Variants in ZNF438 observed in about 807,000 individuals in gnomAD.
ZNF438 encodes zinc finger protein 438.
Under a neutral mutation model 38.0 loss-of-function variants are expected in ZNF438, and 25 were observed. That is an observed-to-expected ratio of 0.66 (90% confidence interval 0.48 to 0.92). ZNF438 has a LOEUF of 0.92. Ranked by LOEUF, ZNF438 falls within the 40% of genes least tolerant of loss-of-function variation. The probability of loss-of-function intolerance (pLI) is 0.00; values close to 1 mark genes in which losing one functional copy is unlikely to be tolerated. For synonymous variants in ZNF438, 372 were observed against 364.1 expected, an observed-to-expected ratio of 1.02 and a Z score of -0.25; for missense variants, 1,007 against 999.6, an observed-to-expected ratio of 1.01 and a Z score of -0.10.
exon 5 of ZNF438, chr10:30,850,024 A>G (rs746935178): frequency 3.7e-6 from 6 of 1,613,852 alleles, no homozygotes; most frequent in Non-Finnish European, 3.4e-6. Flanking sequence ...TGCTATTTCT[A>G]GGGGGTTGAT....
chr10:30,885,804 C>T (rs1358477927), intron 3 of ZNF438, among the ~76,000 whole-genome samples: 1 of 151,978 alleles, frequency 6.6e-6, no homozygotes, highest in Non-Finnish European at 1.5e-5. Flanking sequence ...CAAAGAATGG[C>T]AAGGACAAAG....
chr10:30,866,994 T>C, intron 4 of ZNF438, among the ~76,000 whole-genome samples: 1 of 152,328 alleles, frequency 6.6e-6, no homozygotes, highest in East Asian at 1.9e-4. Flanking sequence ...AAAGAATCAC[T>C]TAAGTATGAG....
intron 1 of ZNF438, among the ~76,000 whole-genome samples, chr10:30,974,308 C>T (rs2051085517): frequency 6.6e-6 from 1 of 152,104 alleles, no homozygotes; most frequent in Admixed American, 6.6e-5. Flanking sequence ...AGGGAGACCC[C>T]ATCTCTATAA....
intron 1 of ZNF438, among the ~76,000 whole-genome samples, chr10:30,969,201 A>G (rs1033956905): frequency 6.6e-6 from 1 of 152,222 alleles, no homozygotes; most frequent in African/African-American, 2.4e-5. Context: ...ACTGCCAATA[A>G]AAGTCAAAAG....
At chr10:30,955,897 G>T (rs2048815145) in intron 1 of ZNF438, among the ~76,000 whole-genome samples, 2 of 152,072 alleles carry the variant, frequency 1.3e-5, no homozygotes, top group African/African-American at 4.8e-5. Context: ...GCAGAAACCT[G>T]AACCTAGTGA....
At chr10:30,930,172 G>A (rs910063412) in intron 2 of ZNF438, among the ~76,000 whole-genome samples, 2 of 141,250 alleles carry the variant, frequency 1.4e-5, no homozygotes, top group East Asian at 2.5e-4. Flanking sequence ...GGTGGGGGGG[G>A]AGTGCGGGGC....
At chr10:30,927,785 TCAG>T (rs1359214683) in intron 2 of ZNF438, among the ~76,000 whole-genome samples, 1 of 152,216 alleles carries the variant, frequency 6.6e-6, no homozygotes, top group African/African-American at 2.4e-5. Flanking sequence ...TCATGACTTC[TCAG>T]GACTTCAGTT....
chr10:30,890,840 T>C lies in ZNF438; in HGVS notation c.-31-13775A>G, dbSNP rs186149896. On this transcript the variant is annotated intron_variant, in intron 3 of 5. Transcript: ENST00000413025. The stretch of plus-strand genomic sequence containing the variant: ...AATAACATGCTTATAATTTCACTTC[T>C]TGATTGTTCAATTTTAGGCATTATC... Among the ~76,000 whole-genome samples the C allele has an allele frequency of 7.9e-5, 12 of 152,366 alleles. No individual in the cohort carries two copies. In the East Asian group the frequency reaches 2.1e-3, roughly 27 times the overall value.
intron 2 of ZNF438, chr10:30,910,450 T>C (rs946329104): frequency 3.9e-5 from 6 of 152,006 alleles, no homozygotes; most frequent in African/African-American, 1.5e-4. Context: ...CCTATAGCCA[T>C]AGATGGACAA....
At chr10:30,878,645 G>A (rs1273923462) in intron 3 of ZNF438, among the ~76,000 whole-genome samples, 1 of 152,058 alleles carries the variant, frequency 6.6e-6, no homozygotes, top group East Asian at 1.9e-4. Context: ...AAGACAAGGG[G>A]CCCACTGAGC....
intron 1 of ZNF438, among the ~76,000 whole-genome samples, chr10:31,029,866 C>G (rs1483726372): frequency 6.6e-6 from 1 of 152,252 alleles, no homozygotes; most frequent in African/African-American, 2.4e-5. Flanking sequence ...TGGACCACCT[C>G]AGAGCATTGT....
In ZNF438 at chr10:30,965,982, T is replaced by A. The variant is rs375230516; in HGVS notation, c.-191-24331A>T. Among the ~76,000 whole-genome samples, 5 of 151,494 alleles carry A rather than the reference T, an allele frequency of 3.3e-5. No individual in the cohort carries two copies. The East Asian group carries it at 9.6e-4, about 29-fold the overall frequency. On this transcript the variant is annotated intron_variant, in intron 1 of 5. Coordinates refer to ENST00000413025, the Ensembl canonical transcript of ZNF438. ...TACTAAATGCATCACTCTTTACTATTAGCAATACTGTAAAAAAAATAGAAT... is the reference window on the plus strand; with the variant it reads ...TACTAAATGCATCACTCTTTACTATAAGCAATACTGTAAAAAAAATAGAAT...
At position 30,933,398 on chromosome 10, in the gene ZNF438, T is replaced by TAAC. The variant is rs548345792; in HGVS notation, c.-115+8174_-115+8176dup. Reference sequence around the variant, plus strand: ...ATATGGATTTGTGCATTAAATTATTTAACAACAAATTATATCAGTTACTAG... The same window carrying TAAC: ...ATATGGATTTGTGCATTAAATTATTTAACAACAACAAATTATATCAGTTACTAG... On this transcript the variant is annotated intron_variant, in intron 2 of 5. Coordinates refer to ENST00000413025, the Ensembl canonical transcript of ZNF438. Among the ~76,000 whole-genome samples, 1,491 of 152,344 alleles carry TAAC rather than the reference T, an allele frequency of 9.8e-3. 14 individuals carry two copies. Among genetic ancestry groups the TAAC allele is most frequent in the Admixed American group, 0.015 (236 of 15,300 alleles).
At chr10:30,917,822 C>A (rs1003437908) in intron 2 of ZNF438, among the ~76,000 whole-genome samples, 2 of 152,054 alleles carry the variant, frequency 1.3e-5, no homozygotes, top group Non-Finnish European at 2.9e-5. Flanking sequence ...GAAGTCTATT[C>A]TTTAAAGCTT....
intron 3 of ZNF438, among the ~76,000 whole-genome samples, chr10:30,881,839 T>G (rs1235882316): frequency 6.6e-6 from 1 of 152,124 alleles, no homozygotes; most frequent in African/African-American, 2.4e-5. Context: ...AATAGTCCCT[T>G]CAACAAAGGA....
exon 5 of ZNF438, chr10:30,849,295 G>A (rs1371114187): frequency 1.9e-6 from 3 of 1,613,978 alleles, no homozygotes; most frequent in East Asian, 2.2e-5. Context: ...TTGTTTTGTG[G>A]TTAAGATCAA....
chr10:31,020,425 A>G (rs1170682878), intron 1 of ZNF438, among the ~76,000 whole-genome samples: 1 of 152,208 alleles, frequency 6.6e-6, no homozygotes, highest in Non-Finnish European at 1.5e-5. Flanking sequence ...ATTGGTTTAC[A>G]AAAATAACAT....
intron 1 of ZNF438, among the ~76,000 whole-genome samples, chr10:31,024,970 A>G (rs2056845987): frequency 2.0e-5 from 3 of 152,220 alleles, no homozygotes. Context: ...CCAAAAACAA[A>G]TACAAAACCA....
At chr10:30,872,425 CAAAAAAAAAAAA>C (rs566401687) in intron 4 of ZNF438, among the ~76,000 whole-genome samples, 1 of 58,694 alleles carries the variant, frequency 1.7e-5, no homozygotes. Context: ...GACTCTGTCT[CAAAAAAAAAAAA>C]AAAAAAAAAA....
Sources: gnomAD v4.1 joint callset for allele counts (sites outside exome capture counted in the v4.1 genomes callset) on GRCh38, gnomAD v4.1.1 for gene constraint, MANE v1.5 for transcripts, NCBI Gene and HGNC (gene_info 2026-07-23, HGNC 2026-07-21) for gene names.